GARNL3: variants seen among roughly 807,000 people sequenced by gnomAD.
GARNL3 encodes GTPase activating Rap/RanGAP domain like 3.
In GARNL3, 63 loss-of-function variants were observed where a neutral mutation model predicts 125.0. The ratio of observed to expected loss-of-function variants is 0.50; its 90% CI spans 0.41 to 0.62. The LOEUF (loss-of-function observed/expected upper bound fraction) is 0.62, where lower values mean the gene tolerates loss of function less well. Among genes scored for constraint, GARNL3 ranks in the 20% least tolerant of loss-of-function variants. The probability of loss-of-function intolerance (pLI) is 0.00; values close to 1 mark genes in which losing one functional copy is unlikely to be tolerated. For missense variants in GARNL3, 994 were observed against 1,244.0 expected, an observed-to-expected ratio of 0.80 and a Z score of 3.02; for synonymous variants, 439 against 457.5, an observed-to-expected ratio of 0.96 and a Z score of 0.52.
chr9:127,325,951 G>T (rs956751551), intron 7 of GARNL3, among the ~76,000 whole-genome samples: 3 of 152,188 alleles, frequency 2.0e-5, no homozygotes, highest in African/African-American at 7.2e-5. Flanking sequence ...TCAAAGGGAA[G>T]CCCCAGATCC....
At chr9:127,387,408 A>G (rs1832599571) in intron 25 of GARNL3, 77 bp downstream of exon 25, 1 of 1,314,562 alleles carries the variant, frequency 7.6e-7, no homozygotes, top group Non-Finnish European at 1.1e-6. Context: ...TAATATCTAC[A>G]TGTGATTACT....
At chr9:127,314,354 G>A (rs546441321) in intron 4 of GARNL3, among the ~76,000 whole-genome samples, 49 of 152,252 alleles carry the variant, frequency 3.2e-4, no homozygotes, top group Admixed American at 2.7e-3. Context: ...TAAGATTCCC[G>A]TGCAAGGCCA....
intron 16 of GARNL3, among the ~76,000 whole-genome samples, chr9:127,346,065 C>A (rs1830120384): frequency 2.0e-5 from 3 of 152,206 alleles, no homozygotes; most frequent in African/African-American, 7.2e-5. Flanking sequence ...GCTTAATCTA[C>A]AGTTCACTCA....
At chr9:127,334,153 AC>A (rs1314167800) in intron 9 of GARNL3, among the ~76,000 whole-genome samples, 8 of 152,172 alleles carry the variant, frequency 5.3e-5, no homozygotes, top group Non-Finnish European at 1.2e-4. Flanking sequence ...GATTGGAAAC[AC>A]CTGAAAGGAA....
At chr9:127,228,828 G>A (rs1160658769) in intron 1 of GARNL3, among the ~76,000 whole-genome samples, 1 of 151,838 alleles carries the variant, frequency 6.6e-6, no homozygotes, top group African/African-American at 2.4e-5. Flanking sequence ...TTTGTTGTTT[G>A]TTTGTTTGTT....
At chr9:127,311,445 A>G (rs1279203951) in intron 2 of GARNL3, among the ~76,000 whole-genome samples, 191 bp from the exon 3 acceptor site, 2 of 152,190 alleles carry the variant, frequency 1.3e-5, no homozygotes, top group Non-Finnish European at 2.9e-5. Flanking sequence ...CCTACACCCC[A>G]AAGGCCTCCT....
At chr9:127,310,773 CAAAAA>C (rs905120960) in intron 2 of GARNL3, among the ~76,000 whole-genome samples, 1 of 74,784 alleles carries the variant, frequency 1.3e-5, no homozygotes. Flanking sequence ...GACTCTGTCT[CAAAAA>C]AAAAAAAAAA....
At chr9:127,380,192 C>CAA (rs1832168381) in intron 22 of GARNL3, among the ~76,000 whole-genome samples, 1 of 117,448 alleles carries the variant, frequency 8.5e-6, no homozygotes, top group Non-Finnish European at 1.8e-5. Context: ...GACTCTGTCT[C>CAA]AAAAAATATG....
chr9:127,248,620 T>G (rs1344699521), intron 2 of GARNL3, among the ~76,000 whole-genome samples: 66 of 143,766 alleles, frequency 4.6e-4, no homozygotes, highest in Middle Eastern at 3.4e-3. Flanking sequence ...TTTTTTTTTT[T>G]TTGTTGAGAC....
At chr9:127,232,584 C>T (rs114938183) in intron 1 of GARNL3, among the ~76,000 whole-genome samples, 84 of 152,324 alleles carry the variant, frequency 5.5e-4, no homozygotes, top group African/African-American at 2.0e-3. Flanking sequence ...ACTAGGATTA[C>T]AGGCATGAGG....
chr9:127,316,856 A>G (rs1330571581), intron 4 of GARNL3, among the ~76,000 whole-genome samples: 1 of 152,228 alleles, frequency 6.6e-6, no homozygotes, highest in Non-Finnish European at 1.5e-5. Flanking sequence ...CTCCCTTGCC[A>G]TTGTTCAGAG....
At chr9:127,346,983 C>T (rs1412471130) in intron 16 of GARNL3, among the ~76,000 whole-genome samples, 1 of 152,230 alleles carries the variant, frequency 6.6e-6, no homozygotes, top group South Asian at 2.1e-4. Flanking sequence ...ATGGCAAACA[C>T]TGTCTGTCGT....
chr9:127,341,565 T>C (rs1237009899), intron 13 of GARNL3, among the ~76,000 whole-genome samples: 1 of 151,318 alleles, frequency 6.6e-6, no homozygotes, highest in Non-Finnish European at 1.5e-5. Context: ...AGCAACAGAG[T>C]GGGTGTAGCT....
chr9:127,305,929 C>T (rs1385914791), intron 2 of GARNL3, among the ~76,000 whole-genome samples: 1 of 152,074 alleles, frequency 6.6e-6, no homozygotes, highest in African/African-American at 2.4e-5. Flanking sequence ...AAAGAAAACT[C>T]CTCATATTGA....
chr9:127,325,142 T>G (rs2131534596), intron 7 of GARNL3, 47 bp downstream of exon 7: 1 of 1,569,582 alleles, frequency 6.4e-7, no homozygotes, highest in Non-Finnish European at 8.8e-7. Context: ...CCTCCATGTT[T>G]GTAAATATAT....
chr9:127,303,502 A>G (rs2064861118), intron 2 of GARNL3, among the ~76,000 whole-genome samples: 1 of 152,232 alleles, frequency 6.6e-6, no homozygotes, highest in African/African-American at 2.4e-5. Context: ...TTTTATAATC[A>G]GCTTTCATGC....
intron 16 of GARNL3, among the ~76,000 whole-genome samples, chr9:127,346,591 C>G (rs1443534298): frequency 1.3e-5 from 2 of 152,168 alleles, no homozygotes. Flanking sequence ...AGTTTTTAGG[C>G]TTATATTAAA....
At chr9:127,357,840 G>C (rs765090331) in intron 21 of GARNL3, among the ~76,000 whole-genome samples, 7 of 152,030 alleles carry the variant, frequency 4.6e-5, no homozygotes, top group Non-Finnish European at 1.0e-4. Context: ...AAATAAATGA[G>C]AGCATTTGTT....
intron 1 of GARNL3, among the ~76,000 whole-genome samples, chr9:127,232,217 T>G (rs1361934958): frequency 2.0e-5 from 3 of 152,214 alleles, no homozygotes; most frequent in Non-Finnish European, 4.4e-5. Flanking sequence ...AGGTGTAGCC[T>G]TAATTGTCAG....
Sources: gnomAD v4.1 joint callset for allele counts (sites outside exome capture counted in the v4.1 genomes callset) on GRCh38, gnomAD v4.1.1 for gene constraint, MANE v1.5 for transcripts, NCBI Gene and HGNC (gene_info 2026-07-23, HGNC 2026-07-21) for gene names.